Variants in SERGEF observed in about 807,000 individuals in gnomAD.
SERGEF encodes secretion regulating guanine nucleotide exchange factor.
SERGEF carries 51 observed loss-of-function variants against 50.0 expected under a neutral mutation model. That is an observed-to-expected ratio of 1.02 (90% CI 0.81 to 1.29). SERGEF has a LOEUF of 1.29. Among genes scored for constraint, SERGEF ranks in the 50% most tolerant of loss-of-function variants. SERGEF has a pLI of 0.00. For missense variants in SERGEF, 521 were observed against 557.0 expected (o/e 0.94, Z 0.65); for synonymous variants, 205 against 212.4 (o/e 0.97, Z 0.30).
intron 10 of SERGEF, among the ~76,000 whole-genome samples, chr11:17,800,270 C>T (rs79029305): frequency 0.014 from 2,184 of 152,162 alleles, 45 homozygotes; most frequent in African/African-American, 0.048. Context: ...ATAGCCTTCC[C>T]CACCAACATC....
rs1851388865 is a variant in SERGEF, at chr11:17,884,238, G to A, written c.1012-5994C>T. On this transcript the variant is annotated intron_variant, in intron 9 of 10. Transcript: ENST00000265965. This position sits in a 1 kb window ranked among gnomAD's most constrained non-coding sequence, Gnocchi z 4.6. ...GAAACACATGATGGCCAGGGTGGAA[G>A]GGGAGTAACGGGGTTTAGGTTGGTA... Among the ~76,000 whole-genome samples the A allele has an allele frequency of 6.6e-6, 1 of 152,232 alleles. No homozygotes were observed. The highest frequency in any genetic ancestry group is 2.4e-5 in the African/African-American group (1 of 41,456).
At chr11:17,937,674 T>C (rs1182178384) in intron 9 of SERGEF, among the ~76,000 whole-genome samples, 2 of 152,194 alleles carry the variant, frequency 1.3e-5, no homozygotes, top group African/African-American at 4.8e-5. Flanking sequence ...ACATGAAATT[T>C]AATATTATTT....
chr11:17,831,124 G>A lies in SERGEF; in HGVS notation c.1049-42711C>T, dbSNP rs186702687. Among the ~76,000 whole-genome samples, 801 of 152,240 alleles carry A rather than the reference G, an allele frequency of 5.3e-3. 4 individuals are homozygous for A. Among genetic ancestry groups the A allele is most frequent in the Non-Finnish European group, 9.5e-3 (644 of 68,016 alleles). ...CTATCTAAGGCAGAATCAAACTTTA[G>A]GTAAATAAAAATCACTTGGTGCACT... is the stretch of plus-strand genomic sequence containing the variant. On this transcript the variant is annotated intron_variant, in intron 10 of 10. Coordinates refer to ENST00000265965, the MANE Select transcript of SERGEF (RefSeq NM_012139.4).
At chr11:17,883,816 T>G (rs974905503) in intron 9 of SERGEF, among the ~76,000 whole-genome samples, 3 of 152,180 alleles carry the variant, frequency 2.0e-5, no homozygotes, top group Non-Finnish European at 2.9e-5. Context: ...CAAGGAGCTG[T>G]TTCCAGGGAT....
chr11:17,802,136 G>C (rs928587176), intron 10 of SERGEF, among the ~76,000 whole-genome samples: 4 of 152,206 alleles, frequency 2.6e-5, no homozygotes, highest in Admixed American at 6.5e-5. Flanking sequence ...CTCCTCTCCT[G>C]AAGCAGGGTG....
Position 17,959,450 on chromosome 11 carries a change from T to TGAGGTAGGAA in SERGEF, c.1011+19_1011+20insTTCCTACCTC. ...ACAAGAAAAAGGGACAGATTACATCTGTGAGAAGTCACTTCCTACCTCAGT... is the reference window on the plus strand; with the variant it reads ...ACAAGAAAAAGGGACAGATTACATCTGAGGTAGGAAGTGAGAAGTCACTTCCTACCTCAGT... On this transcript the variant is annotated intron_variant, in intron 9 of 10. Transcript: ENST00000265965. 1 of 1,608,512 alleles carries TGAGGTAGGAA rather than the reference T, an allele frequency of 6.2e-7. No individual in the cohort carries two copies. Among genetic ancestry groups the TGAGGTAGGAA allele is most frequent in the Non-Finnish European group, 8.5e-7 (1 of 1,176,504 alleles).
chr11:17,904,541 A>G (rs979058348), intron 9 of SERGEF, among the ~76,000 whole-genome samples: 3 of 152,336 alleles, frequency 2.0e-5, no homozygotes, highest in Admixed American at 1.3e-4. Flanking sequence ...TACTCTGTCT[A>G]TTCAAACCAT....
At chr11:17,820,028 G>C (rs1234528911) in intron 10 of SERGEF, among the ~76,000 whole-genome samples, 1 of 151,946 alleles carries the variant, frequency 6.6e-6, no homozygotes, top group Non-Finnish European at 1.5e-5. Flanking sequence ...TTTTTTTGTA[G>C]AGGCGGGGTT....
At chr11:17,828,068 T>A (rs1003780549) in intron 10 of SERGEF, among the ~76,000 whole-genome samples, 38 of 152,210 alleles carry the variant, frequency 2.5e-4, no homozygotes, top group African/African-American at 8.9e-4. Flanking sequence ...CAGCTGCAAG[T>A]TCCACTAGGG....
Position 17,907,576 on chromosome 11 carries a change from G to A in SERGEF, c.1012-29332C>T, listed in dbSNP as rs186785337. Among the ~76,000 whole-genome samples, 16 of 152,246 alleles carry A rather than the reference G, an allele frequency of 1.1e-4. No homozygotes were observed. In the East Asian group the frequency reaches 2.3e-3, roughly 22 times the overall value. ...CTCCTCTTTCTTTTGAGATAGCTCCGCAAATAAGGTTGCCCTTTTCCTCAC... is the reference window on the plus strand; with the variant it reads ...CTCCTCTTTCTTTTGAGATAGCTCCACAAATAAGGTTGCCCTTTTCCTCAC... On this transcript the variant is annotated intron_variant, in intron 9 of 10. Coordinates refer to ENST00000265965, the MANE Select transcript of SERGEF (RefSeq NM_012139.4).
intron 10 of SERGEF, among the ~76,000 whole-genome samples, chr11:17,835,451 C>T (rs1421076180): frequency 1.3e-5 from 2 of 152,190 alleles, no homozygotes; most frequent in Non-Finnish European, 2.9e-5. Flanking sequence ...GGGATTTCCT[C>T]CTCCGACACT....
Position 17,888,758 on chromosome 11 carries a change from T to TG in SERGEF, c.1012-10515dup, listed in dbSNP as rs1851480961. Among the ~76,000 whole-genome samples the TG allele has an allele frequency of 6.6e-6, 1 of 152,082 alleles. No homozygotes were observed. The highest frequency in any genetic ancestry group is 1.5e-5 in the Non-Finnish European group (1 of 68,024). On this transcript the variant is annotated intron_variant, in intron 9 of 10. Coordinates refer to ENST00000265965, the MANE Select transcript of SERGEF (RefSeq NM_012139.4). This position sits in a 1 kb window ranked among gnomAD's most constrained non-coding sequence, Gnocchi z 4.1. ...ATGAGTTTACTTGGTGCACAGACCC[T>TG]GGCTTTTAAATACCATTCAACTAAG...
intron 9 of SERGEF, among the ~76,000 whole-genome samples, chr11:17,950,080 G>A (rs1359982935): frequency 6.6e-6 from 1 of 152,196 alleles, no homozygotes; most frequent in Non-Finnish European, 1.5e-5. Flanking sequence ...ACAGAAGCTG[G>A]ATCAAGAAGA....
chr11:17,844,926 C>CAAAA (rs201388563), intron 10 of SERGEF, among the ~76,000 whole-genome samples: 3 of 150,390 alleles, frequency 2.0e-5, no homozygotes, highest in African/African-American at 7.4e-5. Context: ...AACAAACAAA[C>CAAAA]AAAAAAAACA....
intron 5 of SERGEF, among the ~76,000 whole-genome samples, chr11:17,997,774 C>T (rs1411051921): frequency 6.6e-6 from 1 of 152,050 alleles, no homozygotes; most frequent in Non-Finnish European, 1.5e-5. Context: ...ATACGCCAGT[C>T]ACAAAAAAGA....
At chr11:17,803,315 G>C (rs987268468) in intron 10 of SERGEF, among the ~76,000 whole-genome samples, 1 of 152,210 alleles carries the variant, frequency 6.6e-6, no homozygotes, top group Non-Finnish European at 1.5e-5. Flanking sequence ...GTCCATCCCA[G>C]CCCTTCAAAT....
At chr11:17,804,769 A>C (rs1849728176) in intron 10 of SERGEF, among the ~76,000 whole-genome samples, 1 of 152,326 alleles carries the variant, frequency 6.6e-6, no homozygotes, top group Non-Finnish European at 1.5e-5. Context: ...ATATCTAACT[A>C]TCTCAAGTCT....
chr11:17,870,520 T>C lies in SERGEF; in HGVS notation c.1048+7688A>G, dbSNP rs189257693. 2.0e-3 allele frequency among the ~76,000 whole-genome samples: 301 copies of C among 152,352 alleles called. 1 individual carries two copies. Among genetic ancestry groups the C allele is most frequent in the African/African-American group, 7.1e-3 (295 of 41,590 alleles). On this transcript the variant is annotated intron_variant, in intron 10 of 10. Transcript: ENST00000265965. ...TCTCTCTGGAACTTCCAGGAAGGAA[T>C]GAAGGCTGCCAACAGCTTGATTTTA...
chr11:17,788,517 G>A, intron 10 of SERGEF, 104 bp from the exon 11 acceptor site: 2 of 971,446 alleles, frequency 2.1e-6, no homozygotes. Context: ...GTTCACTCAG[G>A]AAGACGCCAA....
Sources: gnomAD v4.1 joint callset for allele counts (sites outside exome capture counted in the v4.1 genomes callset) on GRCh38, gnomAD v4.1.1 for gene constraint, Gnocchi (gnomAD v3.1) non-coding constraint, MANE v1.5 for transcripts, NCBI Gene and HGNC (gene_info 2026-07-23, HGNC 2026-07-21) for gene names.